CREB3L1: variants seen among roughly 807,000 people sequenced by gnomAD.
CREB3L1 encodes cAMP responsive element binding protein 3 like 1.
A neutral mutation model predicts 54.5 loss-of-function variants in CREB3L1; 33 were observed. The observed-to-expected ratio is 0.61, with a 90% CI of 0.46 to 0.81. The LOEUF (loss-of-function observed/expected upper bound fraction) is 0.81, where lower values mean the gene tolerates loss of function less well. Among genes scored for constraint, CREB3L1 ranks in the 30% least tolerant of loss-of-function variants. CREB3L1 has a pLI of 0.00. For synonymous variants in CREB3L1, 284 were observed against 286.4 expected, an observed-to-expected ratio of 0.99 and a Z score of 0.08; for missense variants, 656 against 673.3, an observed-to-expected ratio of 0.97 and a Z score of 0.29.
chr11:46,319,174 G>T (rs1234957991), intron 10 of CREB3L1, among the ~76,000 whole-genome samples: 1 of 152,254 alleles, frequency 6.6e-6, no homozygotes, highest in African/African-American at 2.4e-5. Context: ...GGGCTGGGTG[G>T]AGAGGAAGAC....
Position 46,278,002 on chromosome 11 carries a change from A to C in CREB3L1, c.-110A>C, listed in dbSNP as rs1938901253. 6.4e-4 allele frequency: 186 copies of C among 291,870 alleles called. No homozygotes were observed. Among genetic ancestry groups the C allele is most frequent in the Middle Eastern group, 1.2e-3 (1 of 842 alleles). 18.1% of individuals were successfully genotyped at this position (291,870 alleles called of 1,614,324 possible). A position where few individuals can be genotyped will look rare whatever the true frequency, so the allele number is the denominator to read the frequency against. Reference sequence around the variant, plus strand: ...CCCCTCCCCCGGGGCTTCGCCCCGGACCTGCCCCCCGCCCGTTTGCCAGCG... The same window carrying C: ...CCCCTCCCCCGGGGCTTCGCCCCGGCCCTGCCCCCCGCCCGTTTGCCAGCG... On this transcript the variant is annotated 5_prime_UTR_variant, in exon 1 of 12. Transcript: ENST00000621158. This position sits in a 1 kb window ranked among gnomAD's most constrained non-coding sequence, Gnocchi z 4.2.
intron 1 of CREB3L1, among the ~76,000 whole-genome samples, chr11:46,279,490 G>C (rs747244667): frequency 6.6e-6 from 1 of 152,242 alleles, no homozygotes; most frequent in Non-Finnish European, 1.5e-5. Context: ...GACAAGACAA[G>C]GGTATAAGGG....
chr11:46,282,818 C>T (rs1031593872), intron 1 of CREB3L1, among the ~76,000 whole-genome samples: 2 of 152,174 alleles, frequency 1.3e-5, no homozygotes, highest in Non-Finnish European at 2.9e-5. Flanking sequence ...ATAAACCTAG[C>T]ACAGTCACAT....
At chr11:46,318,895 A>G (rs1331778964) in intron 10 of CREB3L1, among the ~76,000 whole-genome samples, 1 of 152,138 alleles carries the variant, frequency 6.6e-6, no homozygotes, top group African/African-American at 2.4e-5. Flanking sequence ...GGGGAGGGTT[A>G]GGGAAAGAGG....
intron 1 of CREB3L1, among the ~76,000 whole-genome samples, chr11:46,291,716 A>T (rs981808517): frequency 2.0e-5 from 3 of 152,318 alleles, no homozygotes; most frequent in Admixed American, 6.5e-5. Flanking sequence ...CGGGTGGGTC[A>T]AGAGTCTTTG....
chr11:46,314,859 C>T lies in CREB3L1; in HGVS notation c.1032-1427C>T, dbSNP rs140062783. On this transcript the variant is annotated intron_variant, in intron 8 of 11. Coordinates refer to ENST00000621158, the MANE Select transcript of CREB3L1 (RefSeq NM_052854.4). ...AATAGCTGGGATTACAGACGTGTAC[C>T]ACCACACCCGGCTAATTTTTGTATT... is the stretch of plus-strand genomic sequence containing the variant. 7.1e-3 allele frequency among the ~76,000 whole-genome samples: 1,082 copies of T among 152,026 alleles called. 12 individuals are homozygous for T. The highest frequency in any genetic ancestry group is 0.025 in the African/African-American group (1,025 of 41,432).
intron 2 of CREB3L1, among the ~76,000 whole-genome samples, chr11:46,304,990 A>G (rs1336372409): frequency 1.3e-5 from 2 of 152,274 alleles, no homozygotes; most frequent in Admixed American, 1.3e-4. Context: ...TGTGGCCCAG[A>G]GCTGGGGCAC....
Position 46,317,372 on chromosome 11 carries a change from G to C in CREB3L1, c.1143G>C (p.Leu381Phe), listed in dbSNP as rs774197583. Residue 381 changes from leucine (L) to phenylalanine (F), a missense_variant, in exon 10 of 12, where the codon TTG (leucine) becomes TTC (phenylalanine). Physicochemically the swap from Leu to Phe is conservative, Grantham distance 22. Transcript: ENST00000621158. ...QTGTCLMVAA[L>F]CFVLVLGSLV... Reference sequence around the variant, plus strand: ...CTCTTTGCTACCAGGTGGCAGCCTTGTGCTTTGTTCTGGTGCTGGGCTCCC... The same window carrying C: ...CTCTTTGCTACCAGGTGGCAGCCTTCTGCTTTGTTCTGGTGCTGGGCTCCC... The C allele has an allele frequency of 1.2e-6, 2 of 1,613,950 alleles. No individual in the cohort carries two copies. Among genetic ancestry groups the C allele is most frequent in the Non-Finnish European group, 1.7e-6 (2 of 1,179,868 alleles).
At chr11:46,285,879 G>A (rs1303644648) in intron 1 of CREB3L1, among the ~76,000 whole-genome samples, 4 of 152,208 alleles carry the variant, frequency 2.6e-5, no homozygotes, top group Non-Finnish European at 5.9e-5. Flanking sequence ...GGCTCTTCAG[G>A]CCTTCATGGA....
At chr11:46,289,001 AATAT>A (rs1939095849) in intron 1 of CREB3L1, among the ~76,000 whole-genome samples, 1 of 152,198 alleles carries the variant, frequency 6.6e-6, no homozygotes, top group Non-Finnish European at 1.5e-5. Flanking sequence ...CTGGTACATA[AATAT>A]TCGCTGTTAT....
At chr11:46,313,123 G>A (rs936876717) in intron 8 of CREB3L1, among the ~76,000 whole-genome samples, 2 of 152,162 alleles carry the variant, frequency 1.3e-5, no homozygotes, top group Non-Finnish European at 2.9e-5. Context: ...ACCTGGCAGG[G>A]CTGGGGAGTT....
Position 46,307,957 on chromosome 11 carries a change from T to C in CREB3L1, c.473T>C (p.Leu158Pro). The C allele has an allele frequency of 1.9e-6, 3 of 1,561,780 alleles. No homozygotes were observed. The highest frequency in any genetic ancestry group is 2.6e-6 in the Non-Finnish European group (3 of 1,155,658). Reference protein sequence around the residue: ...AAAAAMATTPLLGLSPLSRLP... With the variant: ...AAAAAMATTPPLGLSPLSRLP... The stretch of plus-strand genomic sequence containing the variant: ...GCGGCCGCCATGGCCACCACCCCGC[T>C]GCTGGGCCTCAGCCCCTTGTCCAGG... The change falls in exon 3 of 12, where the codon CTG becomes CCG. Residue 158 changes from leucine to proline, a missense_variant. By Grantham distance (98) the Leu-to-Pro change is moderately conservative. Transcript: ENST00000621158.
At position 46,312,612 on chromosome 11, in the gene CREB3L1, A is replaced by G; in HGVS notation, c.904A>G (p.Ile302Val). ...KRVRRKIKNK[I>V]SAQESRRKKK... is the part of the protein sequence containing the mutation. ...CTTGTTTTCGGGCCTCCCCCTCTAGATCTCAGCCCAGGAGAGCCGTCGTAA... is the reference window on the plus strand; with the variant it reads ...CTTGTTTTCGGGCCTCCCCCTCTAGGTCTCAGCCCAGGAGAGCCGTCGTAA... The change falls in exon 7 of 12, where the codon ATC (isoleucine) becomes GTC (valine). Residue 302 changes from isoleucine (I) to valine (V), a missense_variant and splice_region_variant. Physicochemically the swap from Ile to Val is conservative, Grantham distance 29. Transcript: ENST00000621158. 6 of 1,611,626 alleles carry G rather than the reference A, an allele frequency of 3.7e-6. No individual in the cohort carries two copies. Among genetic ancestry groups the G allele is most frequent in the Non-Finnish European group, 5.1e-6 (6 of 1,178,836 alleles).
At chr11:46,301,040 C>A (rs1487291396) in intron 2 of CREB3L1, among the ~76,000 whole-genome samples, 1 of 139,620 alleles carries the variant, frequency 7.2e-6, no homozygotes, top group South Asian at 2.3e-4. Context: ...ACTAGCTGGG[C>A]GCGGTGGTGG....
intron 1 of CREB3L1, among the ~76,000 whole-genome samples, chr11:46,284,932 C>T (rs1939035180): frequency 6.6e-6 from 1 of 152,186 alleles, no homozygotes; most frequent in Non-Finnish European, 1.5e-5. Flanking sequence ...ATGCCTAGAG[C>T]TTTATGGGCA....
chr11:46,317,921 T>G (rs567492994), intron 10 of CREB3L1, among the ~76,000 whole-genome samples: 2 of 152,126 alleles, frequency 1.3e-5, no homozygotes, highest in East Asian at 3.9e-4. Context: ...AAACACTGAG[T>G]TAAGAAGGAC....
chr11:46,288,414 A>C (rs1939086683), intron 1 of CREB3L1, among the ~76,000 whole-genome samples: 1 of 152,196 alleles, frequency 6.6e-6, no homozygotes, highest in African/African-American at 2.4e-5. Flanking sequence ...GTTATAATTG[A>C]CTGTGGTCCC....
chr11:46,303,209 G>A (rs949416223), intron 2 of CREB3L1, among the ~76,000 whole-genome samples: 3 of 152,092 alleles, frequency 2.0e-5, no homozygotes, highest in Non-Finnish European at 4.4e-5. Flanking sequence ...GGTGATCTTG[G>A]GCAAGTTACT....
At chr11:46,288,328 C>T (rs978466194) in intron 1 of CREB3L1, among the ~76,000 whole-genome samples, 8 of 152,130 alleles carry the variant, frequency 5.3e-5, no homozygotes, top group Admixed American at 2.0e-4. Context: ...GTGATCCGCC[C>T]GCCTCAGTCT....
Sources: gnomAD v4.1 joint callset for allele counts (sites outside exome capture counted in the v4.1 genomes callset) on GRCh38, gnomAD v4.1.1 for gene constraint, Gnocchi (gnomAD v3.1) non-coding constraint, MANE v1.5 for transcripts, NCBI Gene and HGNC (gene_info 2026-07-23, HGNC 2026-07-21) for gene names.